Variants in OSBPL8 observed in about 807,000 individuals in gnomAD.
OSBPL8 encodes the protein oxysterol binding protein like 8.
In OSBPL8, 59 loss-of-function variants were observed where a neutral mutation model predicts 125.5. That is an observed-to-expected ratio of 0.47 (90% confidence interval 0.38 to 0.58). The LOEUF (loss-of-function observed/expected upper bound fraction) is 0.58, where lower values mean the gene tolerates loss of function less well. Ranked by LOEUF, OSBPL8 falls within the 20% of genes least tolerant of loss-of-function variation. The pLI, the probability that OSBPL8 is intolerant of heterozygous loss-of-function variation, is 0.00. For synonymous variants in OSBPL8, 330 were observed against 338.9 expected, an observed-to-expected ratio of 0.97 and a Z score of 0.29; for missense variants, 758 against 1,047.8, an observed-to-expected ratio of 0.72 and a Z score of 3.82.
At chr12:76,377,726 A>G (rs1346268964) in intron 16 of OSBPL8, among the ~76,000 whole-genome samples, 1 of 152,206 alleles carries the variant, frequency 6.6e-6, no homozygotes, top group Non-Finnish European at 1.5e-5. Flanking sequence ...TCATGACCAC[A>G]CTAAACTGAT....
At chr12:76,559,149 A>T (rs1592924130) in intron 1 of OSBPL8, among the ~76,000 whole-genome samples, 1 of 151,658 alleles carries the variant, frequency 6.6e-6, no homozygotes, top group South Asian at 2.1e-4. Context: ...ACAGCCTCCC[A>T]CCCCCGTTCC....
chr12:76,387,485 A>T (rs1953364609), intron 12 of OSBPL8, among the ~76,000 whole-genome samples: 2 of 152,322 alleles, frequency 1.3e-5, no homozygotes, highest in Middle Eastern at 3.4e-3. Context: ...AATTTGTAGG[A>T]GCCATGACTC....
chr12:76,371,601 T>G lies in OSBPL8; in HGVS notation c.1918-17A>C. 1 of 1,533,074 alleles carries G rather than the reference T, an allele frequency of 6.5e-7. No homozygotes were observed. Among genetic ancestry groups the G allele is most frequent in the Non-Finnish European group, 8.8e-7 (1 of 1,139,780 alleles). 95.0% of individuals were successfully genotyped at this position (1,533,074 alleles called of 1,614,324 possible). ...TTCACTATCCTATATTTAAAAAAAT[T>G]CAAAATTAATGTAAAGAATTATACT... On this transcript the variant is annotated splice_polypyrimidine_tract_variant and intron_variant, in intron 18 of 23. Coordinates refer to ENST00000261183, the MANE Select transcript of OSBPL8 (RefSeq NM_020841.5).
At chr12:76,551,477 A>T (rs1015892625) in intron 1 of OSBPL8, among the ~76,000 whole-genome samples, 1 of 152,220 alleles carries the variant, frequency 6.6e-6, no homozygotes, top group Non-Finnish European at 1.5e-5. Flanking sequence ...CCAGCCCAAA[A>T]TATCAACAGA....
chr12:76,415,044 G>T (rs1868460889), intron 4 of OSBPL8, among the ~76,000 whole-genome samples: 1 of 152,002 alleles, frequency 6.6e-6, no homozygotes, highest in Non-Finnish European at 1.5e-5. Flanking sequence ...TTACTGATTG[G>T]AAAAATTATA....
At chr12:76,386,452 A>G (rs1202897421) in intron 13 of OSBPL8, 127 bp downstream of exon 13, 2 of 1,257,076 alleles carry the variant, frequency 1.6e-6, no homozygotes. Flanking sequence ...ATGATCAGGT[A>G]TTTTGCAATT....
At chr12:76,544,213 A>G (rs2137445180) in intron 1 of OSBPL8, among the ~76,000 whole-genome samples, 1 of 152,316 alleles carries the variant, frequency 6.6e-6, no homozygotes, top group Admixed American at 6.5e-5. Context: ...CATAAATGAC[A>G]AAAGAAGAAA....
At chr12:76,433,977 A>G (rs1354472137) in intron 4 of OSBPL8, among the ~76,000 whole-genome samples, 5 of 46,822 alleles carry the variant, frequency 1.1e-4, no homozygotes, top group African/African-American at 2.5e-4. Flanking sequence ...TCCATCTCAA[A>G]AAAAAAAAAA....
At chr12:76,396,448 C>G (rs1210558263) in intron 8 of OSBPL8, among the ~76,000 whole-genome samples, 1 of 152,126 alleles carries the variant, frequency 6.6e-6, no homozygotes, top group Non-Finnish European at 1.5e-5. Context: ...GAAACTAAAG[C>G]AATGATCATT....
intron 4 of OSBPL8, among the ~76,000 whole-genome samples, chr12:76,434,550 T>C (rs1871225836): frequency 6.6e-6 from 1 of 151,942 alleles, no homozygotes; most frequent in Non-Finnish European, 1.5e-5. Flanking sequence ...ACAATCAACA[T>C]AGTGAAATGG....
intron 2 of OSBPL8, among the ~76,000 whole-genome samples, chr12:76,470,571 GAGCCTA>G (rs1876018443): frequency 1.3e-5 from 2 of 152,206 alleles, no homozygotes; most frequent in Admixed American, 1.3e-4. Flanking sequence ...AGAGATATGT[GAGCCTA>G]CATTCTAGAT....
At position 76,363,918 on chromosome 12, in the gene OSBPL8, C is replaced by T. The variant is rs187701433; in HGVS notation, c.2329-5107G>A. Among the ~76,000 whole-genome samples the T allele has an allele frequency of 8.3e-4, 126 of 152,304 alleles. 1 individual carries two copies. The highest frequency in any genetic ancestry group is 4.3e-4 in the Non-Finnish European group (29 of 68,028). On this transcript the variant is annotated intron_variant, in intron 21 of 23. Transcript: ENST00000261183. ...CACATGAAAAAAAATAATCACTGGT[C>T]CTTAGAGCAATGCAAATCAAAACCA... is the stretch of plus-strand genomic sequence containing the variant.
chr12:76,542,575 T>G (rs2137433613), intron 1 of OSBPL8, among the ~76,000 whole-genome samples: 1 of 152,338 alleles, frequency 6.6e-6, no homozygotes, highest in Middle Eastern at 3.4e-3. Context: ...GCATTTCTAC[T>G]AAGTTCCCAA....
chr12:76,550,560 TACACTA>T (rs776071904), intron 1 of OSBPL8, among the ~76,000 whole-genome samples: 4 of 152,110 alleles, frequency 2.6e-5, no homozygotes, highest in Non-Finnish European at 4.4e-5. Flanking sequence ...ACCCATAAAA[TACACTA>T]ACACTAACAA....
intron 7 of OSBPL8, 70 bp from the exon 8 acceptor site, chr12:76,397,967 T>C: frequency 7.7e-7 from 1 of 1,300,062 alleles, no homozygotes; most frequent in South Asian, 1.3e-5. Flanking sequence ...ATACTGCAAA[T>C]AAGATGTTTT....
chr12:76,417,978 C>G (rs867513631), intron 4 of OSBPL8, among the ~76,000 whole-genome samples: 1 of 149,654 alleles, frequency 6.7e-6, no homozygotes, highest in Admixed American at 6.7e-5. Context: ...AATGAAAACC[C>G]TCTCTCCAGA....
At chr12:76,493,894 T>C (rs1461685501) in intron 1 of OSBPL8, among the ~76,000 whole-genome samples, 1 of 152,176 alleles carries the variant, frequency 6.6e-6, no homozygotes, top group Non-Finnish European at 1.5e-5. Context: ...ATTCTTTTTC[T>C]TTTCTGATCA....
chr12:76,379,810 T>G (rs1232006461), intron 15 of OSBPL8, among the ~76,000 whole-genome samples: 1 of 152,236 alleles, frequency 6.6e-6, no homozygotes, highest in Non-Finnish European at 1.5e-5. Context: ...TTGTGTATAC[T>G]TAAGAACATT....
At chr12:76,400,011 A>G in intron 6 of OSBPL8, 37 bp from the exon 7 acceptor site, 1 of 1,489,106 alleles carries the variant, frequency 6.7e-7, no homozygotes, top group Non-Finnish European at 9.1e-7. Flanking sequence ...TAAAAACTCA[A>G]CAGAAATGAG....
Sources: gnomAD v4.1 joint callset for allele counts (sites outside exome capture counted in the v4.1 genomes callset) on GRCh38, gnomAD v4.1.1 for gene constraint, MANE v1.5 for transcripts, NCBI Gene and HGNC (gene_info 2026-07-23, HGNC 2026-07-21) for gene names.